Variants in ERC1 observed in about 807,000 individuals in gnomAD.
The protein encoded by ERC1 is RAB6 interacting protein 2.
A neutral mutation model predicts 132.0 loss-of-function variants in ERC1; 56 were observed. The ratio of observed to expected loss-of-function variants is 0.42; its 90% confidence interval spans 0.34 to 0.53. The LOEUF (loss-of-function observed/expected upper bound fraction) is 0.53, where lower values mean the gene tolerates loss of function less well. ERC1 is among the 20% of genes least tolerant of loss of function. ERC1 has a pLI of 0.03. For missense variants in ERC1, 1,202 were observed against 1,349.9 expected (o/e 0.89, Z 1.72); for synonymous variants, 478 against 476.1 (o/e 1.00, Z -0.05).
At chr12:1,022,722 G>A (rs552216141) in intron 1 of ERC1, among the ~76,000 whole-genome samples, 2 of 152,238 alleles carry the variant, frequency 1.3e-5, no homozygotes, top group South Asian at 4.1e-4. Flanking sequence ...CTTGAGTGCA[G>A]TGGCATAATC....
In ERC1 at chr12:1,251,095, A is replaced by G. The variant is rs565544216; in HGVS notation, c.2488-11939A>G. 1.1e-4 allele frequency among the ~76,000 whole-genome samples: 16 copies of G among 152,318 alleles called. No homozygotes were observed. The South Asian group carries it at 1.2e-3, about 12-fold the overall frequency. On this transcript the variant is annotated intron_variant, in intron 13 of 18. Transcript: ENST00000360905. ...TTGATTTAACTCTGTCTACAAAAAC[A>G]GTTTCTTCATTTTGATAAGAGATTT...
chr12:1,294,227 C>T (rs2079736979), intron 15 of ERC1, among the ~76,000 whole-genome samples: 1 of 152,120 alleles, frequency 6.6e-6, no homozygotes, highest in African/African-American at 2.4e-5. Context: ...GAATAAATTA[C>T]AAATAACCCT....
At chr12:1,382,278 CATAA>C (rs745828632) in intron 16 of ERC1, among the ~76,000 whole-genome samples, 1 of 152,156 alleles carries the variant, frequency 6.6e-6, no homozygotes, top group Non-Finnish European at 1.5e-5. Flanking sequence ...AAGCAGATCT[CATAA>C]ATAAAAGGAG....
At chr12:1,213,137 C>T (rs909062504) in intron 12 of ERC1, among the ~76,000 whole-genome samples, 1 of 152,096 alleles carries the variant, frequency 6.6e-6, no homozygotes, top group African/African-American at 2.4e-5. Context: ...GTTTTCTGAC[C>T]TACCGGTATT....
intron 8 of ERC1, among the ~76,000 whole-genome samples, chr12:1,145,895 C>T (rs1052153327): frequency 6.6e-6 from 1 of 152,068 alleles, no homozygotes; most frequent in Non-Finnish European, 1.5e-5. Context: ...TGTCTGGCTT[C>T]ATTTCTGGGT....
At chr12:1,366,072 G>A (rs911057209) in intron 15 of ERC1, among the ~76,000 whole-genome samples, 1 of 152,216 alleles carries the variant, frequency 6.6e-6, no homozygotes. Flanking sequence ...GAGGGGAAAA[G>A]AGGAGTTACT....
intron 16 of ERC1, among the ~76,000 whole-genome samples, chr12:1,381,995 C>T (rs921392017): frequency 3.3e-5 from 5 of 152,154 alleles, no homozygotes; most frequent in African/African-American, 4.8e-5. Context: ...TTATGTTAAG[C>T]CAGGTTATTC....
At chr12:1,265,656 C>T (rs370239448) in intron 14 of ERC1, among the ~76,000 whole-genome samples, 2 of 152,178 alleles carry the variant, frequency 1.3e-5, no homozygotes, top group Admixed American at 6.5e-5. Flanking sequence ...TAATGACATG[C>T]ATCTGCCATT....
At position 1,487,838 on chromosome 12, in the gene ERC1, G is replaced by T. The variant is rs116198529; in HGVS notation, c.3214-2255G>T. On this transcript the variant is annotated intron_variant, in intron 18 of 18. Coordinates refer to ENST00000360905, the MANE Select transcript of ERC1 (RefSeq NM_178040.4). Reference sequence around the variant, plus strand: ...AGAGAGAGAGAGAAAGAAAAGAAAAGAAAGGAAAGAGAGAAAAAGGCCAGG... The same window carrying T: ...AGAGAGAGAGAGAAAGAAAAGAAAATAAAGGAAAGAGAGAAAAAGGCCAGG... Among the ~76,000 whole-genome samples, 1,272 of 150,950 alleles carry T rather than the reference G, an allele frequency of 8.4e-3. 26 individuals carry two copies. The highest frequency in any genetic ancestry group is 0.029 in the African/African-American group (1,203 of 41,224).
intron 12 of ERC1, among the ~76,000 whole-genome samples, chr12:1,216,619 G>GGGCGGGGGGGAGGGATGGGT: frequency 7.1e-6 from 1 of 139,948 alleles, no homozygotes; most frequent in Non-Finnish European, 1.6e-5. Flanking sequence ...GAGGGATGGG[G>GGGCGGGGGGGAGGGATGGGT]GGTGGGGGGC....
At chr12:1,253,764 GT>G (rs1301539434) in intron 13 of ERC1, among the ~76,000 whole-genome samples, 1 of 152,192 alleles carries the variant, frequency 6.6e-6, no homozygotes, top group African/African-American at 2.4e-5. Flanking sequence ...AAGAAGTAAA[GT>G]TCTGAGAGAT....
intron 15 of ERC1, among the ~76,000 whole-genome samples, chr12:1,353,359 AG>A (rs1458910065): frequency 2.0e-5 from 3 of 152,216 alleles, no homozygotes; most frequent in Non-Finnish European, 4.4e-5. Context: ...CTAAAGAGAC[AG>A]GAGAACATTT....
intron 2 of ERC1, among the ~76,000 whole-genome samples, chr12:1,051,284 G>A (rs1035796952): frequency 3.9e-5 from 6 of 152,212 alleles, no homozygotes; most frequent in Non-Finnish European, 7.4e-5. Context: ...TAAGGTAATC[G>A]TAATGTATAT....
At chr12:1,041,465 C>T (rs1270272015) in intron 2 of ERC1, among the ~76,000 whole-genome samples, 3 of 152,126 alleles carry the variant, frequency 2.0e-5, no homozygotes, top group Non-Finnish European at 2.9e-5. Context: ...CCTCAGCCTC[C>T]CAAAGTGCTG....
chr12:1,308,963 G>A (rs2081085128), intron 15 of ERC1, among the ~76,000 whole-genome samples: 1 of 152,132 alleles, frequency 6.6e-6, no homozygotes, highest in African/African-American at 2.4e-5. Context: ...TGTCCTTGTA[G>A]GAGAGACCCC....
intron 12 of ERC1, among the ~76,000 whole-genome samples, chr12:1,216,364 T>C (rs1958405883): frequency 6.6e-6 from 1 of 152,174 alleles, no homozygotes. Context: ...TCTGCTTTTA[T>C]TAATGATTTT....
intron 18 of ERC1, among the ~76,000 whole-genome samples, chr12:1,451,918 C>A (rs538561542): frequency 6.6e-6 from 1 of 152,074 alleles, no homozygotes; most frequent in Non-Finnish European, 1.5e-5. Flanking sequence ...AACTGATATC[C>A]TTTTAAGAGA....
At chr12:1,076,448 G>A (rs994644267) in intron 2 of ERC1, among the ~76,000 whole-genome samples, 10 of 146,362 alleles carry the variant, frequency 6.8e-5, no homozygotes, top group Non-Finnish European at 8.9e-5. Flanking sequence ...AGGCTGGAGT[G>A]CAGTGGCAGG....
chr12:1,138,721 A>G lies in ERC1; in HGVS notation c.1570-2899A>G, dbSNP rs142959075. Among the ~76,000 whole-genome samples the G allele has an allele frequency of 2.0e-5, 3 of 152,278 alleles. No individual in the cohort carries two copies. In the East Asian group the frequency reaches 5.8e-4, roughly 29 times the overall value. On this transcript the variant is annotated intron_variant, in intron 7 of 18. Transcript: ENST00000360905. The stretch of plus-strand genomic sequence containing the variant: ...TTCAGAGAATGGCAGTACTGCTGCA[A>G]TGGAGAGCCACTGGAAGTGGGGCAA...
Sources: gnomAD v4.1 joint callset for allele counts (sites outside exome capture counted in the v4.1 genomes callset) on GRCh38, gnomAD v4.1.1 for gene constraint, MANE v1.5 for transcripts, NCBI Gene and HGNC (gene_info 2026-07-23, HGNC 2026-07-21) for gene names.